The following ERBB4 variants were observed in gnomAD, a reference collection of about 807,000 sequenced individuals.
ERBB4 encodes the protein erb-b2 receptor tyrosine kinase 4.
In ERBB4, 42 loss-of-function variants were observed where a neutral mutation model predicts 158.0. The observed-to-expected ratio is 0.27, with a 90% CI of 0.21 to 0.34. The LOEUF is 0.34. Ranked by LOEUF, ERBB4 falls within the 10% of genes least tolerant of loss-of-function variation. ERBB4 has a pLI of 1.00. For missense variants in ERBB4, 1,333 were observed against 1,624.1 expected, an observed-to-expected ratio of 0.82 and a Z score of 3.08; for synonymous variants, 583 against 558.7, an observed-to-expected ratio of 1.04 and a Z score of -0.61.
intron 20 of ERBB4, among the ~76,000 whole-genome samples, chr2:211,472,031 G>C (rs1191134031): frequency 6.6e-6 from 1 of 152,014 alleles, no homozygotes; most frequent in Admixed American, 6.6e-5. Context: ...GCTGTGGAGA[G>C]CCATTGCAAA....
intron 1 of ERBB4, among the ~76,000 whole-genome samples, chr2:212,298,709 T>C (rs929954462): frequency 2.6e-5 from 4 of 151,716 alleles, no homozygotes; most frequent in African/African-American, 9.7e-5. Flanking sequence ...ACCAAAGGAA[T>C]TAAAGAACAT....
At chr2:211,466,813 A>ATAAG (rs2064703336) in intron 20 of ERBB4, among the ~76,000 whole-genome samples, 2 of 152,096 alleles carry the variant, frequency 1.3e-5, no homozygotes, top group African/African-American at 4.8e-5. Flanking sequence ...ATGCTCCAAT[A>ATAAG]TAAGTATTAT....
At chr2:212,357,221 A>T (rs1669198715) in intron 1 of ERBB4, among the ~76,000 whole-genome samples, 1 of 151,856 alleles carries the variant, frequency 6.6e-6, no homozygotes, top group Non-Finnish European at 1.5e-5. Context: ...TTAAAATAAA[A>T]AAAGGATTCA....
intron 14 of ERBB4, among the ~76,000 whole-genome samples, chr2:211,669,758 AT>A (rs2071768639): frequency 6.6e-6 from 1 of 152,090 alleles, no homozygotes; most frequent in African/African-American, 2.4e-5. Context: ...TTTTATCCCT[AT>A]TGCACTGAAG....
intron 1 of ERBB4, among the ~76,000 whole-genome samples, chr2:212,163,676 C>T (rs2081267250): frequency 6.6e-6 from 1 of 152,018 alleles, no homozygotes; most frequent in African/African-American, 2.4e-5. Flanking sequence ...TGGAGTTCTA[C>T]CATTAAAAGC....
intron 3 of ERBB4, among the ~76,000 whole-genome samples, chr2:211,851,157 T>A (rs994473647): frequency 6.6e-6 from 1 of 151,928 alleles, no homozygotes; most frequent in Non-Finnish European, 1.5e-5. Flanking sequence ...TTGAAAATGA[T>A]GTACAAAATT....
intron 1 of ERBB4, among the ~76,000 whole-genome samples, chr2:212,222,491 C>A (rs1559780398): frequency 6.6e-6 from 1 of 151,514 alleles, no homozygotes; most frequent in Non-Finnish European, 1.5e-5. Context: ...GACTTTTTTA[C>A]TGCCAAACCT....
At chr2:212,089,067 T>A (rs373008242) in intron 2 of ERBB4, among the ~76,000 whole-genome samples, 21 of 152,258 alleles carry the variant, frequency 1.4e-4, no homozygotes, top group African/African-American at 4.8e-4. Flanking sequence ...CTGATCTGCA[T>A]GTATATTAAT....
At chr2:212,500,256 T>C (rs561765877) in intron 1 of ERBB4, among the ~76,000 whole-genome samples, 1 of 152,226 alleles carries the variant, frequency 6.6e-6, no homozygotes, top group East Asian at 1.9e-4. Flanking sequence ...AGGATTCACA[T>C]ACACAGTTGA....
intron 3 of ERBB4, among the ~76,000 whole-genome samples, chr2:211,811,913 C>A (rs1030293797): frequency 6.6e-6 from 1 of 152,130 alleles, no homozygotes; most frequent in African/African-American, 2.4e-5. Flanking sequence ...GTTAGCCATT[C>A]ATCTAATCTT....
intron 20 of ERBB4, among the ~76,000 whole-genome samples, chr2:211,463,172 A>C (rs1012278773): frequency 2.0e-5 from 3 of 152,178 alleles, no homozygotes; most frequent in Non-Finnish European, 4.4e-5. Context: ...TCTGTGACTG[A>C]AAAAGAAGTT....
intron 3 of ERBB4, among the ~76,000 whole-genome samples, chr2:211,871,869 G>T (rs1284820670): frequency 1.3e-5 from 2 of 152,000 alleles, no homozygotes; most frequent in African/African-American, 4.8e-5. Context: ...ATATGTGCTC[G>T]CTGTGATAGA....
chr2:212,219,174 G>C (rs1413204017), intron 1 of ERBB4, among the ~76,000 whole-genome samples: 1 of 151,338 alleles, frequency 6.6e-6, no homozygotes, highest in Non-Finnish European at 1.5e-5. Flanking sequence ...AAAAGAATGA[G>C]ACCCAAAGAA....
At chr2:212,149,182 TA>T (rs1189441291) in intron 1 of ERBB4, among the ~76,000 whole-genome samples, 6 of 151,986 alleles carry the variant, frequency 3.9e-5, no homozygotes, top group South Asian at 2.1e-4. Context: ...AAAAAAATTT[TA>T]AAAAATTTGA....
At chr2:211,557,091 T>A (rs1190515234) in intron 20 of ERBB4, among the ~76,000 whole-genome samples, 1 of 152,100 alleles carries the variant, frequency 6.6e-6, no homozygotes, top group African/African-American at 2.4e-5. Context: ...GACCCCTTCC[T>A]TACACCATAT....
At chr2:211,824,488 G>C (rs1409259578) in intron 3 of ERBB4, among the ~76,000 whole-genome samples, 1 of 151,930 alleles carries the variant, frequency 6.6e-6, no homozygotes, top group Non-Finnish European at 1.5e-5. Flanking sequence ...AATGTGATCT[G>C]TCCTGCAACC....
In ERBB4 at chr2:212,466,792, G is replaced by A. The variant is rs1688858320; in HGVS notation, c.82+71657C>T. 2.6e-5 allele frequency among the ~76,000 whole-genome samples: 4 copies of A among 152,332 alleles called. No individual in the cohort carries two copies. The South Asian group carries it at 8.3e-4, about 32-fold the overall frequency. On this transcript the variant is annotated intron_variant, in intron 1 of 27. Transcript: ENST00000342788. The stretch of plus-strand genomic sequence containing the variant: ...AAGCCAATTTGGAACCAGGCAACAG[G>A]CAGAGGTTTGAACAGGTTAGAGGGC...
rs146656793 is a variant in ERBB4 at position 211,422,273 on chromosome 2, C to T, written c.2867-169G>A. Among the ~76,000 whole-genome samples the T allele has an allele frequency of 1.4e-3, 209 of 151,958 alleles. 1 individual carries two copies. The highest frequency in any genetic ancestry group is 2.3e-3 in the Non-Finnish European group (157 of 67,824). On this transcript the variant is annotated intron_variant, in intron 23 of 27. Coordinates refer to ENST00000342788, the MANE Select transcript of ERBB4 (RefSeq NM_005235.3). ...AACGACTCAATTGGTAAGGCTTTAT[C>T]GGTCTCTTTGTTGATATTCATAACT...
chr2:211,583,417 A>G (rs1012824353), intron 19 of ERBB4, among the ~76,000 whole-genome samples: 2 of 151,946 alleles, frequency 1.3e-5, no homozygotes, highest in Non-Finnish European at 2.9e-5. Flanking sequence ...TACTAGAGCC[A>G]AACACATCAA....
Sources: gnomAD v4.1 joint callset for allele counts (sites outside exome capture counted in the v4.1 genomes callset) on GRCh38, gnomAD v4.1.1 for gene constraint, MANE v1.5 for transcripts, NCBI Gene and HGNC (gene_info 2026-07-23, HGNC 2026-07-21) for gene names.